The following SDK1 variants were observed in gnomAD, a reference collection of about 807,000 sequenced individuals.
The protein encoded by SDK1 is protein sidekick-1.
A neutral mutation model predicts 245.5 loss-of-function variants in SDK1; 157 were observed. The observed-to-expected ratio is 0.64, with a 90% CI of 0.56 to 0.73. SDK1 has a LOEUF of 0.73. Among genes scored for constraint, SDK1 ranks in the 30% least tolerant of loss-of-function variants. The pLI, the probability that SDK1 is intolerant of heterozygous loss-of-function variation, is 0.00. For missense variants in SDK1, 3,583 were observed against 3,002.3 expected, an observed-to-expected ratio of 1.19 and a Z score of -4.52; for synonymous variants, 1,647 against 1,278.5, an observed-to-expected ratio of 1.29 and a Z score of -6.15.
chr7:3,510,651 G>T (rs192023204), intron 1 of SDK1, among the ~76,000 whole-genome samples: 4 of 152,124 alleles, frequency 2.6e-5, no homozygotes, highest in Admixed American at 6.5e-5. Flanking sequence ...AGGGAAGAAG[G>T]GGGGAGGCTT....
chr7:3,932,484 G>A (rs1438043388), intron 5 of SDK1, among the ~76,000 whole-genome samples: 7 of 152,174 alleles, frequency 4.6e-5, no homozygotes, highest in African/African-American at 1.7e-4. Flanking sequence ...AAAATGCCTT[G>A]TTCTAGCAGA....
chr7:3,869,288 T>G (rs981592282), intron 5 of SDK1, among the ~76,000 whole-genome samples: 1 of 151,796 alleles, frequency 6.6e-6, no homozygotes, highest in African/African-American at 2.4e-5. Context: ...TCCGGGTAGA[T>G]GGGATTACAG....
intron 4 of SDK1, among the ~76,000 whole-genome samples, chr7:3,797,802 T>G (rs916287430): frequency 1.1e-4 from 16 of 152,212 alleles, no homozygotes; most frequent in Admixed American, 2.0e-4. Flanking sequence ...CTCCTGTTGA[T>G]TTCTAGCTCT....
At chr7:3,570,918 G>A (rs1175999845) in intron 1 of SDK1, among the ~76,000 whole-genome samples, 2 of 150,834 alleles carry the variant, frequency 1.3e-5, no homozygotes. Context: ...TTAATCCAGG[G>A]TGATTTATGT....
At chr7:3,531,073 T>G (rs186704931) in intron 1 of SDK1, among the ~76,000 whole-genome samples, 1 of 152,342 alleles carries the variant, frequency 6.6e-6, no homozygotes, top group African/African-American at 2.4e-5. Flanking sequence ...GAAATCATCA[T>G]TCATTTAAGA....
chr7:4,138,878 C>G (rs1260050736), intron 28 of SDK1, among the ~76,000 whole-genome samples: 1 of 152,222 alleles, frequency 6.6e-6, no homozygotes, highest in African/African-American at 2.4e-5. Context: ...GGTCCTCCTG[C>G]AGACCAGCAT....
At chr7:4,061,686 T>A (rs1779550337) in intron 19 of SDK1, among the ~76,000 whole-genome samples, 1 of 152,140 alleles carries the variant, frequency 6.6e-6, no homozygotes. Flanking sequence ...TGCACACGTA[T>A]GTTTATTGCT....
At position 3,403,862 on chromosome 7, in the gene SDK1, TATATATA is replaced by T. The variant is rs1168563028; in HGVS notation, c.298+101986_298+101992del. 7.7e-5 allele frequency among the ~76,000 whole-genome samples: 9 copies of T among 117,120 alleles called. No individual in the cohort carries two copies. The East Asian group carries it at 9.5e-4, about 12-fold the overall frequency. The allele number at this position is 117,120 out of a possible 152,430, so 76.8% of individuals were successfully genotyped here. On this transcript the variant is annotated intron_variant, in intron 1 of 44. Coordinates refer to ENST00000404826, the MANE Select transcript of SDK1 (RefSeq NM_152744.4). ...ATATATATATATATATATATATATA[TATATATA>T]ATATATATATTTATTTATATTATAT...
chr7:3,921,413 A>C (rs540804979), intron 5 of SDK1, among the ~76,000 whole-genome samples: 1 of 152,350 alleles, frequency 6.6e-6, no homozygotes, highest in African/African-American at 2.4e-5. Flanking sequence ...CATTAGACGG[A>C]ATGGCAAATA....
At chr7:4,039,832 G>C (rs6462547) in intron 17 of SDK1, among the ~76,000 whole-genome samples, 35,942 of 152,022 alleles carry the variant, frequency 0.24, 5,944 homozygotes, top group African/African-American at 0.48. Flanking sequence ...CGAAGGGAAG[G>C]GGGTGGGGGA....
At chr7:4,206,880 C>T (rs985511813) in intron 36 of SDK1, among the ~76,000 whole-genome samples, 1 of 152,170 alleles carries the variant, frequency 6.6e-6, no homozygotes, top group Non-Finnish European at 1.5e-5. Context: ...ATGGTTTTTG[C>T]AGGTGTGTTA....
At chr7:3,303,391 G>T (rs1389868957) in intron 1 of SDK1, among the ~76,000 whole-genome samples, 3 of 152,110 alleles carry the variant, frequency 2.0e-5, no homozygotes, top group Non-Finnish European at 2.9e-5. Flanking sequence ...TACATTTGAA[G>T]ATTGGTGCAC....
At chr7:3,778,793 T>G (rs772509674) in intron 4 of SDK1, among the ~76,000 whole-genome samples, 4 of 152,204 alleles carry the variant, frequency 2.6e-5, no homozygotes, top group Non-Finnish European at 4.4e-5. Context: ...TGAATAAGGT[T>G]GAAGGGCCCT....
At chr7:3,799,055 A>G (rs1402881177) in intron 4 of SDK1, among the ~76,000 whole-genome samples, 1 of 152,186 alleles carries the variant, frequency 6.6e-6, no homozygotes, top group African/African-American at 2.4e-5. Flanking sequence ...ATTATTTATT[A>G]TTCAATCATT....
At chr7:3,979,623 G>C (rs568902806) in intron 13 of SDK1, among the ~76,000 whole-genome samples, 110 of 152,232 alleles carry the variant, frequency 7.2e-4, no homozygotes, top group Non-Finnish European at 1.2e-3. Flanking sequence ...GAGAGAAGAG[G>C]CTTCTAAACT....
intron 1 of SDK1, among the ~76,000 whole-genome samples, chr7:3,388,879 C>T (rs186717962): frequency 5.7e-4 from 86 of 152,142 alleles, no homozygotes; most frequent in African/African-American, 1.5e-3. Flanking sequence ...GTGGCCTGCC[C>T]AAATGGAGTT....
At chr7:4,192,064 T>A (rs1783242042) in intron 35 of SDK1, among the ~76,000 whole-genome samples, 1 of 152,176 alleles carries the variant, frequency 6.6e-6, no homozygotes, top group Admixed American at 6.5e-5. Context: ...GTTGTTTAAC[T>A]TCTAGATAGG....
In SDK1 at chr7:3,332,520, A is replaced by G. The variant is rs1203779022; in HGVS notation, c.298+30636A>G. Among the ~76,000 whole-genome samples the G allele has an allele frequency of 2.6e-5, 4 of 152,230 alleles. No individual in the cohort carries two copies. The East Asian group carries it at 7.7e-4, about 29-fold the overall frequency. The stretch of plus-strand genomic sequence containing the variant: ...CTAAAGCGAAGTCAGAGTCATTATA[A>G]AGGCATGATAATGGAGTCTGTTATC... On this transcript the variant is annotated intron_variant, in intron 1 of 44. Coordinates refer to ENST00000404826, the MANE Select transcript of SDK1 (RefSeq NM_152744.4).
At chr7:4,102,739 G>A (rs1421567334) in intron 22 of SDK1, among the ~76,000 whole-genome samples, 1 of 152,034 alleles carries the variant, frequency 6.6e-6, no homozygotes, top group Non-Finnish European at 1.5e-5. Context: ...AACAGACCAA[G>A]CCTCCTGGCC....
Sources: gnomAD v4.1 joint callset for allele counts (sites outside exome capture counted in the v4.1 genomes callset) on GRCh38, gnomAD v4.1.1 for gene constraint, MANE v1.5 for transcripts, NCBI Gene and HGNC (gene_info 2026-07-23, HGNC 2026-07-21) for gene names.